ZNF83: variants seen among roughly 807,000 people sequenced by gnomAD.
The protein encoded by ZNF83 is zinc finger protein 83, also known as zinc finger protein 816B.
For missense variants in ZNF83, 552 were observed against 629.9 expected (o/e 0.88, Z 1.32); for synonymous variants, 209 against 213.0 (o/e 0.98, Z 0.17).
At chr19:52,670,708 T>G (rs771821896) in intron 1 of ZNF83, among the ~76,000 whole-genome samples, 2 of 152,192 alleles carry the variant, frequency 1.3e-5, no homozygotes, top group Non-Finnish European at 2.9e-5. Context: ...GGGAACAGCT[T>G]CTTCTTAGAC....
intron 1 of ZNF83, among the ~76,000 whole-genome samples, chr19:52,683,475 GC>G (rs1413015174): frequency 7.6e-6 from 1 of 132,334 alleles, no homozygotes; most frequent in East Asian, 2.0e-4. Flanking sequence ...TGTCCTTCAT[GC>G]CCCTCAGGTC....
chr19:52,649,309 G>A (rs777182949), intron 3 of ZNF83, among the ~76,000 whole-genome samples: 8 of 152,154 alleles, frequency 5.3e-5, no homozygotes, highest in Non-Finnish European at 2.9e-5. Context: ...TGGCTTTGCA[G>A]CTTTTGTATC....
At chr19:52,631,975 C>T (rs2060984457) in intron 2 of ZNF83, among the ~76,000 whole-genome samples, 3 of 65,620 alleles carry the variant, frequency 4.6e-5, no homozygotes, top group Admixed American at 2.6e-4. Context: ...GAGGATTTGC[C>T]CCCACCCAGG....
At chr19:52,650,827 T>C (rs2061432848) in intron 3 of ZNF83, 1 of 152,172 alleles carries the variant, frequency 6.6e-6, no homozygotes, top group Admixed American at 6.5e-5. Context: ...CCCAGAAGGA[T>C]TCTTCACTTC....
chr19:52,676,557 C>T (rs988641589), intron 1 of ZNF83, among the ~76,000 whole-genome samples: 9 of 151,922 alleles, frequency 5.9e-5, no homozygotes, highest in Admixed American at 5.2e-4. Context: ...TGGGGGGCGC[C>T]TCTGCCCGGC....
intron 2 of ZNF83, among the ~76,000 whole-genome samples, chr19:52,634,362 G>A (rs2147184631): frequency 6.6e-6 from 1 of 151,612 alleles, no homozygotes; most frequent in South Asian, 2.1e-4. Context: ...TCCCATAGTT[G>A]AGAAAAATAG....
chr19:52,689,379 C>T (rs963134013), intron 1 of ZNF83, among the ~76,000 whole-genome samples: 2 of 149,774 alleles, frequency 1.3e-5, no homozygotes, highest in African/African-American at 2.5e-5. Context: ...TTCTCTCTTC[C>T]CTGTTATACC....
At position 52,653,272 on chromosome 19, in the gene ZNF83, T is replaced by A; in HGVS notation, c.-74+2289A>T. On this transcript the variant is annotated intron_variant, in intron 3 of 5. Coordinates refer to the ZNF83 transcript ENST00000594682. ...ATGAAGCCTATAATGACATGCAAGG[T>A]GTGCTTTTTGATTAAAAACCTTACC... 2.0e-6 allele frequency: 3 copies of A among 1,473,152 alleles called. 1 individual carries two copies. The South Asian group carries it at 3.4e-5, about 17-fold the overall frequency. The allele number at this position is 1,473,152 out of a possible 1,614,324, so 91.3% of individuals were successfully genotyped here.
intron 2 of ZNF83, among the ~76,000 whole-genome samples, chr19:52,630,187 C>T (rs183346357): frequency 2.0e-4 from 30 of 152,282 alleles, no homozygotes; most frequent in African/African-American, 5.3e-4. Context: ...GCCCCTGGAA[C>T]GCTGGCCCAT....
chr19:52,653,019 G>T lies in ZNF83; in HGVS notation c.-74+2542C>A, dbSNP rs1600231337. On this transcript the variant is annotated intron_variant, in intron 3 of 5. Coordinates refer to the ZNF83 transcript ENST00000594682. The stretch of plus-strand genomic sequence containing the variant: ...TATGAACTCTCTGATGTTGTGCAAG[G>T]TTTGACTGTTGATTAAAAACCTTGC... 9 of 1,437,890 alleles carry T rather than the reference G, an allele frequency of 6.3e-6. No individual in the cohort carries two copies. The East Asian group carries it at 2.1e-4, about 33-fold the overall frequency. 89.1% of individuals were successfully genotyped at this position (1,437,890 alleles called of 1,614,324 possible). A position where few individuals can be genotyped will look rare whatever the true frequency, so the allele number is the denominator to read the frequency against.
chr19:52,625,328 TC>T (rs2060700118), intron 2 of ZNF83, among the ~76,000 whole-genome samples: 1 of 152,058 alleles, frequency 6.6e-6, no homozygotes, highest in Admixed American at 6.6e-5. Flanking sequence ...GAAAGAGGTT[TC>T]CCCCCTATGC....
rs143656652 is a variant in ZNF83, at chr19:52,662,146, C to T, written c.-282-1303G>A. On this transcript the variant is annotated intron_variant, in intron 1 of 5. Transcript: ENST00000594682. The stretch of plus-strand genomic sequence containing the variant: ...AAATGATGTATTTTCTCACGCCTTT[C>T]ATGTATACACACAACTTTTCTTTAC... Among the ~76,000 whole-genome samples, 258 of 152,316 alleles carry T rather than the reference C, an allele frequency of 1.7e-3. 1 individual carries two copies. Among genetic ancestry groups the T allele is most frequent in the African/African-American group, 6.0e-3 (248 of 41,580 alleles).
chr19:52,668,162 G>T (rs1000799622), intron 1 of ZNF83, among the ~76,000 whole-genome samples: 3 of 152,044 alleles, frequency 2.0e-5, no homozygotes, highest in African/African-American at 7.2e-5. Flanking sequence ...CATCAGCATC[G>T]GCCTGGGGAT....
intron 2 of ZNF83, chr19:52,655,771 G>A (rs1359883344): frequency 6.0e-6 from 4 of 662,676 alleles, no homozygotes; most frequent in Non-Finnish European, 1.1e-5. Context: ...AATAAGTATT[G>A]ATTTGATCCA....
At chr19:52,675,200 G>A (rs1055264324) in intron 1 of ZNF83, among the ~76,000 whole-genome samples, 1 of 152,154 alleles carries the variant, frequency 6.6e-6, no homozygotes, top group African/African-American at 2.4e-5. Flanking sequence ...AAACCTGGGG[G>A]CAAATTAACA....
Position 52,614,801 on chromosome 19 carries a change from C to A in ZNF83, c.-233-4G>T, listed in dbSNP as rs2060247710. Reference sequence around the variant, plus strand: ...ATCTCACATTTAGAAAAAATACCTACAAGATATAAGGATCCCACAGTTTCC... The same window carrying A: ...ATCTCACATTTAGAAAAAATACCTAAAAGATATAAGGATCCCACAGTTTCC... On this transcript the variant is annotated splice_polypyrimidine_tract_variant and splice_region_variant and intron_variant, in intron 2 of 2. Transcript: ENST00000301096. The A allele has an allele frequency of 5.5e-6, 7 of 1,281,380 alleles. No individual in the cohort carries two copies. Among genetic ancestry groups the A allele is most frequent in the Middle Eastern group, 3.0e-4 (1 of 3,294 alleles). 79.4% of individuals were successfully genotyped at this position (1,281,380 alleles called of 1,614,324 possible).
At chr19:52,633,596 T>A (rs1015653943) in intron 2 of ZNF83, among the ~76,000 whole-genome samples, 2 of 152,308 alleles carry the variant, frequency 1.3e-5, no homozygotes, top group South Asian at 4.1e-4. Flanking sequence ...CAGCTTTGCT[T>A]AGAGTTTTAC....
At chr19:52,685,624 C>T (rs761709572) in intron 1 of ZNF83, among the ~76,000 whole-genome samples, 9 of 151,956 alleles carry the variant, frequency 5.9e-5, no homozygotes, top group African/African-American at 1.2e-4. Context: ...TGGTCAGGCA[C>T]GGTAGCTCTT....
At chr19:52,689,462 C>T (rs911834089) in intron 1 of ZNF83, among the ~76,000 whole-genome samples, 2 of 152,044 alleles carry the variant, frequency 1.3e-5, no homozygotes, top group Non-Finnish European at 2.9e-5. Context: ...GTTCTCCTTG[C>T]CACCAGCACC....
Sources: gnomAD v4.1 joint callset for allele counts (sites outside exome capture counted in the v4.1 genomes callset) on GRCh38, gnomAD v4.1.1 for gene constraint, MANE v1.5 for transcripts, NCBI Gene and HGNC (gene_info 2026-07-23, HGNC 2026-07-21) for gene names.